ACSM3: variants seen among roughly 807,000 people sequenced by gnomAD.
The protein encoded by ACSM3 is acyl-coenzyme A synthetase ACSM3, mitochondrial.
ACSM3 carries 61 observed loss-of-function variants against 74.1 expected under a neutral mutation model. The observed-to-expected ratio is 0.82, with a 90% CI of 0.67 to 1.02. The LOEUF is 1.02. ACSM3 is among the 50% of genes least tolerant of loss of function. The pLI is 0.00. For missense variants in ACSM3, 660 were observed against 697.0 expected (o/e 0.95, Z 0.60); for synonymous variants, 213 against 241.5 (o/e 0.88, Z 1.09).
chr16:20,792,650 G>T, intron 12 of ACSM3: 1 of 985,422 alleles, frequency 1.0e-6, no homozygotes. Flanking sequence ...GGTGACAGAA[G>T]TCAGCTGGAT....
At chr16:20,760,322 G>T (rs2080067084), upstream of ACSM3, among the ~76,000 whole-genome samples, 1 of 152,132 alleles carries the variant, frequency 6.6e-6, no homozygotes, top group African/African-American at 2.4e-5. Flanking sequence ...ATCAAAGACT[G>T]GAGAGACTGA....
At chr16:20,691,590 T>C (rs1293368370) in intron 1 of ACSM3, among the ~76,000 whole-genome samples, 1 of 152,152 alleles carries the variant, frequency 6.6e-6, no homozygotes, top group Non-Finnish European at 1.5e-5. Context: ...GTCTTTACTT[T>C]AGAAACTTCC....
In ACSM3 at chr16:20,773,633, T is replaced by G. The variant is rs1312566619; in HGVS notation, c.220-2206T>G. ...TTGACTCACTGGTCATTCAGGAGCA[T>G]GTTGTTTAATTTCCATGTATTTGTA... On this transcript the variant is annotated intron_variant, in intron 2 of 13. Transcript: ENST00000289416. 2.6e-5 allele frequency among the ~76,000 whole-genome samples: 4 copies of G among 152,178 alleles called. No individual in the cohort carries two copies. In the South Asian group the frequency reaches 8.3e-4, roughly 31 times the overall value.
At chr16:20,674,450 C>G (rs898752625), upstream of ACSM3, 8 of 157,448 alleles carry the variant, frequency 5.1e-5, no homozygotes, top group African/African-American at 1.7e-4. Context: ...TCTCCCTCCC[C>G]CCTCTCCACC....
At chr16:20,741,711 T>C in intron 1 of ACSM3, 1 of 1,577,190 alleles carries the variant, frequency 6.3e-7, no homozygotes, top group Non-Finnish European at 8.6e-7. Context: ...GCCGCCAGGC[T>C]GAGTAGTCTG....
At chr16:20,716,564 C>T (rs2152384919) in intron 1 of ACSM3, among the ~76,000 whole-genome samples, 1 of 152,292 alleles carries the variant, frequency 6.6e-6, no homozygotes, top group African/African-American at 2.4e-5. Flanking sequence ...TTATCGCAAG[C>T]AGCAGAGCAT....
chr16:20,712,903 ACT>A (rs1243962315), intron 1 of ACSM3, among the ~76,000 whole-genome samples: 7 of 150,238 alleles, frequency 4.7e-5, no homozygotes, highest in African/African-American at 1.5e-4. Context: ...ACAGAGCAAG[ACT>A]CTGTCTCAAA....
intron 1 of ACSM3, among the ~76,000 whole-genome samples, chr16:20,698,438 C>A (rs187142545): frequency 6.6e-6 from 1 of 152,172 alleles, no homozygotes; most frequent in East Asian, 1.9e-4. Context: ...TGAGTTTGAG[C>A]CTTAGGTCTG....
chr16:20,725,681 A>G (rs1212720458), intron 1 of ACSM3, among the ~76,000 whole-genome samples: 2 of 152,130 alleles, frequency 1.3e-5, no homozygotes, highest in Non-Finnish European at 2.9e-5. Flanking sequence ...GACAATCAAA[A>G]ATGTCCCTAG....
chr16:20,700,682 A>T (rs915726036), intron 1 of ACSM3, among the ~76,000 whole-genome samples: 2 of 151,974 alleles, frequency 1.3e-5, no homozygotes, highest in Non-Finnish European at 2.9e-5. Flanking sequence ...ATTCTATTCT[A>T]AGTGCAATGG....
rs145354182 is a variant in ACSM3, at chr16:20,792,393, C to G, written c.1554+58C>G. On this transcript the variant is annotated intron_variant, in intron 12 of 13. Transcript: ENST00000289416. ...TTGTTGGCAATTTAACACATACTTA[C>G]AAACAGTAGCTCAGTGAAACAGAAT... 3,342 of 1,598,086 alleles carry G rather than the reference C, an allele frequency of 2.1e-3. 10 individuals are homozygous for G. Among genetic ancestry groups the G allele is most frequent in the Admixed American group, 7.4e-3 (444 of 59,848 alleles).
At chr16:20,715,339 C>T (rs1467863901) in intron 1 of ACSM3, among the ~76,000 whole-genome samples, 3 of 152,170 alleles carry the variant, frequency 2.0e-5, no homozygotes, top group African/African-American at 7.2e-5. Flanking sequence ...CATGGTGGCT[C>T]ACATCTGTAA....
chr16:20,741,481 G>GGGGGGGGGGGCCCCCCCCCCCCCCCC, intron 1 of ACSM3: 2 of 1,308,414 alleles, frequency 1.5e-6, no homozygotes, highest in Non-Finnish European at 2.0e-6. Context: ...CTGGCAGCCG[G>GGGGGGGGGGGCCCCCCCCCCCCCCCC]CCCGCCCGCC....
chr16:20,689,356 A>T (rs980066680), intron 1 of ACSM3, among the ~76,000 whole-genome samples: 1 of 152,160 alleles, frequency 6.6e-6, no homozygotes, highest in African/African-American at 2.4e-5. Flanking sequence ...CAAAAACTCA[A>T]GTAAACACAA....
chr16:20,736,008 CCTTA>C (rs1413984257), intron 1 of ACSM3: 25 of 152,186 alleles, frequency 1.6e-4, no homozygotes, highest in Non-Finnish European at 2.6e-4. Flanking sequence ...TGAACAAAAG[CCTTA>C]CTGTTTTTGA....
At chr16:20,685,083 G>T (rs2079522291) in intron 1 of ACSM3, 3 of 1,156,278 alleles carry the variant, frequency 2.6e-6, no homozygotes, top group African/African-American at 3.1e-5. Flanking sequence ...CTGGGGCGAA[G>T]GCTTCAAAGC....
At chr16:20,702,037 T>C (rs1399604229) in intron 1 of ACSM3, among the ~76,000 whole-genome samples, 1 of 152,194 alleles carries the variant, frequency 6.6e-6, no homozygotes, top group Non-Finnish European at 1.5e-5. Context: ...GAATGATTTC[T>C]AATCCTTTAG....
Position 20,776,064 on chromosome 16 carries a change from C to T in ACSM3, c.430+15C>T. 2 of 1,612,768 alleles carry T rather than the reference C, an allele frequency of 1.2e-6. No individual in the cohort carries two copies. The highest frequency in any genetic ancestry group is 1.3e-5 in the African/African-American group (1 of 75,004). On this transcript the variant is annotated intron_variant, in intron 3 of 13. Transcript: ENST00000289416. ...TCTGCGAACAGGTTAGTAATGTTTG[C>T]TTTCCGATCATATTTATTACTAAGC...
chr16:20,786,253 G>T, intron 9 of ACSM3, 95 bp downstream of exon 9: 2 of 1,483,700 alleles, frequency 1.3e-6, no homozygotes, highest in Non-Finnish European at 9.0e-7. Flanking sequence ...TTGTTATGAT[G>T]GTGATTCCAT....
Sources: allele counts gnomAD v4.1 joint callset (sites outside exome capture counted in the v4.1 genomes callset), GRCh38; gene constraint gnomAD v4.1.1; transcripts MANE v1.5; gene names NCBI Gene and HGNC (gene_info 2026-07-23, HGNC 2026-07-21).